Variants in TIAM1 observed in about 807,000 individuals in gnomAD.
TIAM1 encodes rho guanine nucleotide exchange factor TIAM1.
In TIAM1, 65 loss-of-function variants were observed where a neutral mutation model predicts 163.5. That is an observed-to-expected ratio of 0.40 (90% CI 0.33 to 0.49). The LOEUF is 0.49. Among genes scored for constraint, TIAM1 ranks in the 20% least tolerant of loss-of-function variants. The probability of loss-of-function intolerance (pLI) is 0.77; values close to 1 mark genes in which losing one functional copy is unlikely to be tolerated. For missense variants in TIAM1, 1,789 were observed against 2,044.7 expected (o/e 0.87, Z 2.41); for synonymous variants, 833 against 810.1 (o/e 1.03, Z -0.48).
chr21:31,135,699 A>G (rs1389946635), intron 23 of TIAM1, among the ~76,000 whole-genome samples: 1 of 152,128 alleles, frequency 6.6e-6, no homozygotes, highest in Non-Finnish European at 1.5e-5. Context: ...TCTGGGATAG[A>G]CTTGGGCACA....
chr21:31,253,276 TAC>T (rs1158419908), intron 4 of TIAM1, among the ~76,000 whole-genome samples: 2 of 152,212 alleles, frequency 1.3e-5, no homozygotes, highest in Non-Finnish European at 2.9e-5. Context: ...GCCAAAGTAA[TAC>T]ACAGTTTGGC....
intron 26 of TIAM1, 108 bp from the exon 27 acceptor site, chr21:31,124,802 A>G: frequency 1.1e-6 from 1 of 947,618 alleles, no homozygotes. Flanking sequence ...CCAAAGGCTA[A>G]AGACTGAGGC....
chr21:31,162,504 C>G (rs2083976863), intron 16 of TIAM1, among the ~76,000 whole-genome samples: 1 of 152,110 alleles, frequency 6.6e-6, no homozygotes, highest in Non-Finnish European at 1.5e-5. Flanking sequence ...AAAGCAAAAC[C>G]AGGAAGTATT....
At chr21:31,217,162 G>A (rs1042443161) in intron 9 of TIAM1, among the ~76,000 whole-genome samples, 7 of 151,648 alleles carry the variant, frequency 4.6e-5, no homozygotes, top group Non-Finnish European at 1.0e-4. Context: ...AGCCAAGATT[G>A]TGCCACTGCA....
intron 2 of TIAM1, among the ~76,000 whole-genome samples, chr21:31,288,385 T>G (rs990565043): frequency 2.6e-5 from 4 of 152,112 alleles, no homozygotes; most frequent in African/African-American, 7.2e-5. Context: ...CAAGTTCAGG[T>G]TGCCAGCAGA....
chr21:31,222,699 ATATATATATTTTTTTTTTTTTT>A (rs1471004847), intron 8 of TIAM1, among the ~76,000 whole-genome samples: 56 of 39,786 alleles, frequency 1.4e-3, no homozygotes, highest in African/African-American at 7.6e-3. Context: ...ATATATATAT[ATATATATATTTTTTTTTTTTTT>A]TTTTTTTTTT....
chr21:31,275,422 G>A (rs1197976061), intron 3 of TIAM1, among the ~76,000 whole-genome samples: 2 of 151,968 alleles, frequency 1.3e-5, no homozygotes, highest in South Asian at 4.1e-4. Context: ...ACAACAAAAC[G>A]GCATCAAACC....
intron 1 of TIAM1, among the ~76,000 whole-genome samples, chr21:31,502,849 A>G (rs2046891784): frequency 6.6e-6 from 1 of 152,124 alleles, no homozygotes; most frequent in South Asian, 2.1e-4. Flanking sequence ...TCAAAGGGAG[A>G]GCAAAGGAAG....
intron 1 of TIAM1, among the ~76,000 whole-genome samples, chr21:31,482,945 G>A (rs1359567927): frequency 1.3e-5 from 2 of 152,170 alleles, no homozygotes; most frequent in Non-Finnish European, 2.9e-5. Context: ...GGTCACACTG[G>A]TAATGAAAGT....
chr21:31,485,042 T>C (rs901059065), intron 1 of TIAM1, among the ~76,000 whole-genome samples: 3 of 152,190 alleles, frequency 2.0e-5, no homozygotes, highest in African/African-American at 7.2e-5. Flanking sequence ...TCTTGGACTT[T>C]CCAGCCTCCA....
intron 6 of TIAM1, among the ~76,000 whole-genome samples, chr21:31,241,607 T>C (rs1387246856): frequency 1.3e-5 from 2 of 151,816 alleles, no homozygotes; most frequent in African/African-American, 4.8e-5. Flanking sequence ...TAGCAAATCC[T>C]GGAGGATGGG....
At chr21:31,365,425 G>T (rs2076486278) in intron 2 of TIAM1, among the ~76,000 whole-genome samples, 1 of 130,432 alleles carries the variant, frequency 7.7e-6, no homozygotes, top group Admixed American at 9.2e-5. Context: ...GTCTCGCTCT[G>T]TCGCCCAGGC....
intron 2 of TIAM1, among the ~76,000 whole-genome samples, chr21:31,411,401 C>T (rs2077355161): frequency 6.6e-6 from 1 of 151,656 alleles, no homozygotes; most frequent in Non-Finnish European, 1.5e-5. Flanking sequence ...CAGCATGTCT[C>T]AACCCTGCCA....
chr21:31,489,768 C>A (rs12627365), intron 1 of TIAM1, among the ~76,000 whole-genome samples: 1 of 152,070 alleles, frequency 6.6e-6, no homozygotes, highest in East Asian at 1.9e-4. Flanking sequence ...GGCAGACAGT[C>A]CCCAGAGGGA....
chr21:31,439,162 A>G (rs1444438379), intron 2 of TIAM1, among the ~76,000 whole-genome samples: 1 of 152,208 alleles, frequency 6.6e-6, no homozygotes, highest in East Asian at 1.9e-4. Context: ...GAGGCAGCTG[A>G]ACAGGAACAG....
chr21:31,217,684 C>G lies in TIAM1; in HGVS notation c.2011G>C (p.Gly671Arg), dbSNP rs776977678. ...SFHALVAART[G>R]ETGVRRRTQA... ...GTACGTCTTCTCACTCCAGTTTCAC[C>G]AGTGCGTGCTGCCACCTGAGGATGG... Residue 671 changes from glycine to arginine, a missense_variant, in exon 9 of 28, where the codon GGT becomes CGT. By Grantham distance (125) the Gly-to-Arg change is moderately radical. Coordinates refer to ENST00000541036, the MANE Select transcript of TIAM1 (RefSeq NM_001353694.2). 6.2e-7 allele frequency: 1 copy of G among 1,613,540 alleles called. No individual in the cohort carries two copies. The highest frequency in any genetic ancestry group is 2.2e-5 in the East Asian group (1 of 44,854).
chr21:31,298,817 A>C (rs2074394086), intron 2 of TIAM1, among the ~76,000 whole-genome samples: 1 of 151,790 alleles, frequency 6.6e-6, no homozygotes, highest in Non-Finnish European at 1.5e-5. Context: ...AGAGAGAGAG[A>C]GAGAGAGAAA....
intron 6 of TIAM1, among the ~76,000 whole-genome samples, chr21:31,239,854 A>G (rs1442359496): frequency 1.3e-5 from 2 of 152,224 alleles, no homozygotes; most frequent in Non-Finnish European, 2.9e-5. Flanking sequence ...AAGATGAGGA[A>G]TAACTAGAAT....
At chr21:31,493,337 A>C (rs867404307) in intron 1 of TIAM1, among the ~76,000 whole-genome samples, 13 of 152,184 alleles carry the variant, frequency 8.5e-5, no homozygotes, top group African/African-American at 2.9e-4. Flanking sequence ...TAAGACACAC[A>C]ATCAATCAAT....
Sources: allele counts gnomAD v4.1 joint callset (sites outside exome capture counted in the v4.1 genomes callset), GRCh38; gene constraint gnomAD v4.1.1; transcripts MANE v1.5; gene names NCBI Gene and HGNC (gene_info 2026-07-23, HGNC 2026-07-21).